Variants in RNF19B observed in about 807,000 individuals in gnomAD.
The protein encoded by RNF19B is ring finger protein 19B.
RNF19B carries 23 observed loss-of-function variants against 65.5 expected under a neutral mutation model. That is an observed-to-expected ratio of 0.35 (90% CI 0.25 to 0.50). The LOEUF is 0.50. Among genes scored for constraint, RNF19B ranks in the 20% least tolerant of loss-of-function variants. RNF19B has a pLI of 0.98. For synonymous variants in RNF19B, 372 were observed against 379.6 expected, an observed-to-expected ratio of 0.98 and a Z score of 0.23; for missense variants, 794 against 980.0, an observed-to-expected ratio of 0.81 and a Z score of 2.53.
At position 32,964,345 on chromosome 1, in the gene RNF19B, G is replaced by A; in HGVS notation, c.341C>T (p.Ala114Val). The A allele has an allele frequency of 7.0e-7, 1 of 1,436,608 alleles. No homozygotes were observed. The highest frequency in any genetic ancestry group is 9.1e-7 in the Non-Finnish European group (1 of 1,098,798). 89.0% of individuals were successfully genotyped at this position (1,436,608 alleles called of 1,614,324 possible). Residue 114 changes from alanine (A) to valine (V), a missense_variant, in exon 1 of 9, where the codon GCG becomes GTG. Around this residue, in one of 3 missense-constraint regions of RNF19B, gnomAD observed 374 missense variants for 423.8 expected, o/e 0.88. Transcript: ENST00000235150. The surrounding 1 kb of genome is among the most constrained non-coding windows in gnomAD (Gnocchi z 6.5). ...GCACAGCGGACACTCCACCTCCTCC[G>A]CGCCCGGGCCACCGCCCTCCGCCGC... ...EEAAEGGGPG[A>V]EEVECPLCLV...
chr1:32,946,038 AT>A (rs928904165), intron 4 of RNF19B, among the ~76,000 whole-genome samples: 1 of 151,744 alleles, frequency 6.6e-6, no homozygotes, highest in East Asian at 1.9e-4. Flanking sequence ...TAATTTTTCT[AT>A]TTTTTTGGGT....
chr1:32,940,619 T>C (rs1197239779), intron 7 of RNF19B, among the ~76,000 whole-genome samples: 1 of 152,222 alleles, frequency 6.6e-6, no homozygotes, highest in Admixed American at 6.5e-5. Context: ...GTATGAGGCA[T>C]AGAAGTCTAA....
In RNF19B at chr1:32,938,438, A is replaced by G; in HGVS notation, c.1701T>C (p.Ala567=). 6 of 1,614,226 alleles carry G rather than the reference A, an allele frequency of 3.7e-6. No homozygotes were observed. The highest frequency in any genetic ancestry group is 5.1e-6 in the Non-Finnish European group (6 of 1,180,044). ...GAISDNASTR[A]MAGSIISSYN... is the part of the protein sequence containing the mutation. Reference sequence around the variant, plus strand: ...AGGAACTGATTATGGAACCGGCCATAGCACGAGTGCTTGCGTTGTCACTAA... The same window carrying G: ...AGGAACTGATTATGGAACCGGCCATGGCACGAGTGCTTGCGTTGTCACTAA... The change falls in exon 8 of 9, where the codon GCT becomes GCC. Residue 567 remains alanine, a synonymous_variant. Coordinates refer to ENST00000235150, the MANE Select transcript of RNF19B (RefSeq NM_001300826.2).
In RNF19B at chr1:32,952,762, A is replaced by T. The variant is rs1299418473; in HGVS notation, c.636-2988T>A. ...AGACTCCATCTCAAAAAAAAAAAAA[A>T]ATCAGCCAGGTATGGTGACACAGGC... On this transcript the variant is annotated intron_variant, in intron 1 of 8. Transcript: ENST00000235150. 3.6e-5 allele frequency among the ~76,000 whole-genome samples: 5 copies of T among 137,768 alleles called. No homozygotes were observed. In the East Asian group the frequency reaches 8.6e-4, roughly 24 times the overall value. 90.4% of individuals were successfully genotyped at this position (137,768 alleles called of 152,430 possible). A position where few individuals can be genotyped will look rare whatever the true frequency, so the allele number is the denominator to read the frequency against.
At chr1:32,945,951 G>A (rs1005954860) in intron 4 of RNF19B, among the ~76,000 whole-genome samples, 19 of 151,386 alleles carry the variant, frequency 1.3e-4, no homozygotes, top group African/African-American at 1.2e-4. Flanking sequence ...CAACCTCTAC[G>A]TCCCTGGGCT....
At position 32,964,553 on chromosome 1, in the gene RNF19B, C is replaced by T. The variant is rs1205507513; in HGVS notation, c.133G>A (p.Gly45Ser). 3.9e-6 allele frequency: 5 copies of T among 1,274,584 alleles called. No homozygotes were observed. Among genetic ancestry groups the T allele is most frequent in the South Asian group, 1.8e-5 (1 of 54,814 alleles). The allele number at this position is 1,274,584 out of a possible 1,614,324, so 79.0% of individuals were successfully genotyped here. ...TGCGGCTTGGCCCGGGCGCGGCGGCCGCGGGCCGAGGCAGAGAAGACGCTG... is the reference window on the plus strand; with the variant it reads ...TGCGGCTTGGCCCGGGCGCGGCGGCTGCGGGCCGAGGCAGAGAAGACGCTG... The part of the protein sequence containing the change: ...LHSVFSASAR[G>S]RRARAKPQAE... Residue 45 changes from glycine to serine, a missense_variant, in exon 1 of 9, where the codon GGC becomes AGC. Around this residue, in one of 3 missense-constraint regions of RNF19B, gnomAD observed 374 missense variants for 423.8 expected, o/e 0.88. Transcript: ENST00000235150. The surrounding 1 kb of genome is among the most constrained non-coding windows in gnomAD (Gnocchi z 6.5).
In RNF19B at chr1:32,946,409, C is replaced by T; in HGVS notation, c.1139G>A (p.Gly380Glu). 6.2e-7 allele frequency: 1 copy of T among 1,613,700 alleles called. No homozygotes were observed. Among genetic ancestry groups the T allele is most frequent in the Non-Finnish European group, 8.5e-7 (1 of 1,179,770 alleles). The change falls in exon 4 of 9, where the codon GGA (glycine) becomes GAA (glutamate). Residue 380 changes from glycine to glutamate, a missense_variant. Physicochemically the swap from Gly to Glu is moderately conservative, Grantham distance 98. This residue lies in a region of RNF19B where 368 missense variants were observed against 447.3 expected (regional missense o/e 0.82). Transcript: ENST00000235150. ...CCAGCATGTCTTTCTTACCTTCCTTCCAACATAAACAGGAATGCCAATGAC... is the reference window on the plus strand; with the variant it reads ...CCAGCATGTCTTTCTTACCTTCCTTTCAACATAAACAGGAATGCCAATGAC... ...AMVIGIPVYV[G>E]RKIHSRYEGR... is the part of the protein sequence containing the mutation.
chr1:32,934,254 C>T (rs1186138949), downstream of RNF19B, among the ~76,000 whole-genome samples: 2 of 152,208 alleles, frequency 1.3e-5, no homozygotes, highest in Non-Finnish European at 2.9e-5. Context: ...TAGTAAAACA[C>T]TGGCCAGGAA....
At position 32,948,308 on chromosome 1, in the gene RNF19B, T is replaced by C; in HGVS notation, c.897A>G (p.Gly299=). 6.2e-7 allele frequency: 1 copy of C among 1,614,160 alleles called. No individual in the cohort carries two copies. Among genetic ancestry groups the C allele is most frequent in the Non-Finnish European group, 8.5e-7 (1 of 1,179,994 alleles). Residue 299 remains glycine (G), a synonymous_variant, in exon 3 of 9, where the codon GGA becomes GGG. Transcript: ENST00000235150. ...CTGCACAGGTCATGTGATTACAGCTTCCATCATTCATCTTGATAATGTATG... is the reference window on the plus strand; with the variant it reads ...CTGCACAGGTCATGTGATTACAGCTCCCATCATTCATCTTGATAATGTATG... ...CSAYIIKMND[G]SCNHMTCAVC...
In RNF19B at chr1:32,964,627, G is replaced by C; in HGVS notation, c.59C>G (p.Pro20Arg). ...GCCGCCGCTGCGGCACTTAGGGTCGGGTGCGGCCGCATGTAGCGATGTGGA... is the reference window on the plus strand; with the variant it reads ...GCCGCCGCTGCGGCACTTAGGGTCGCGTGCGGCCGCATGTAGCGATGTGGA... ...PRSTSLHAAA[P>R]DPKCRSGGRR... The change falls in exon 1 of 9, where the codon CCC becomes CGC. Residue 20 changes from proline to arginine, a missense_variant. This residue lies in a region of RNF19B where 374 missense variants were observed against 423.8 expected (regional missense o/e 0.88). Transcript: ENST00000235150. The surrounding 1 kb of genome is among the most constrained non-coding windows in gnomAD (Gnocchi z 6.5). 1.4e-6 allele frequency: 2 copies of C among 1,473,174 alleles called. No homozygotes were observed. Among genetic ancestry groups the C allele is most frequent in the Non-Finnish European group, 1.8e-6 (2 of 1,116,202 alleles). 91.3% of individuals were successfully genotyped at this position (1,473,174 alleles called of 1,614,324 possible). A position where few individuals can be genotyped will look rare whatever the true frequency, so the allele number is the denominator to read the frequency against.
intron 1 of RNF19B, among the ~76,000 whole-genome samples, chr1:32,953,959 A>G (rs1570112540): frequency 2.5e-5 from 3 of 119,706 alleles, no homozygotes; most frequent in South Asian, 5.5e-4. Context: ...CCCAGGCTGG[A>G]GTGCAATGGC....
downstream of RNF19B, among the ~76,000 whole-genome samples, chr1:32,935,561 C>T (rs1233917809): frequency 6.6e-6 from 1 of 152,222 alleles, no homozygotes; most frequent in African/African-American, 2.4e-5. Context: ...CCTTTCATTA[C>T]AAATCTCAGA....
At chr1:32,951,409 C>A (rs915295081) in intron 1 of RNF19B, among the ~76,000 whole-genome samples, 2 of 151,304 alleles carry the variant, frequency 1.3e-5, no homozygotes, top group African/African-American at 4.8e-5. Context: ...GGTGCATTTG[C>A]ACTCTTTGCA....
Position 32,936,912 on chromosome 1 carries a change from G to A in RNF19B, c.2090C>T (p.Thr697Ile). The A allele has an allele frequency of 6.2e-7, 1 of 1,614,060 alleles. No individual in the cohort carries two copies. The highest frequency in any genetic ancestry group is 8.5e-7 in the Non-Finnish European group (1 of 1,180,004). The stretch of plus-strand genomic sequence containing the variant: ...GCTCGGTGCACCTTGGGCTCTGGGG[G>A]TCGAGGGGCAGGCTGCAGTATGGGA... ...PRSHTAACPS[T>I]PRAQGAPSPS... The change falls in exon 9 of 9, where the codon ACC (threonine) becomes ATC (isoleucine). Residue 697 changes from threonine (T) to isoleucine (I), a missense_variant. Around this residue, in one of 3 missense-constraint regions of RNF19B, gnomAD observed 368 missense variants for 447.3 expected, o/e 0.82. Coordinates refer to ENST00000235150, the MANE Select transcript of RNF19B (RefSeq NM_001300826.2).
At position 32,942,318 on chromosome 1, in the gene RNF19B, A is replaced by G; in HGVS notation, c.1544T>C (p.Phe515Ser). 1.2e-6 allele frequency: 2 copies of G among 1,614,108 alleles called. No individual in the cohort carries two copies. The highest frequency in any genetic ancestry group is 1.7e-6 in the Non-Finnish European group (2 of 1,179,958). Reference sequence around the variant, plus strand: ...CAGCGTGCCCCCTGAGAGGGCTGCAAAGCTGGCCGTTTCGCTGTAAGGACC... The same window carrying G: ...CAGCGTGCCCCCTGAGAGGGCTGCAGAGCTGGCCGTTTCGCTGTAAGGACC... ...MQGPYSETAS[F>S]AALSGGTLSG... Residue 515 changes from phenylalanine to serine, a missense_variant, in exon 7 of 9, where the codon TTT becomes TCT. Physicochemically the swap from Phe to Ser is radical, Grantham distance 155. This residue lies in a region of RNF19B where 368 missense variants were observed against 447.3 expected (regional missense o/e 0.82). Coordinates refer to ENST00000235150, the MANE Select transcript of RNF19B (RefSeq NM_001300826.2).
At chr1:32,942,541 G>C (rs761106139) in intron 6 of RNF19B, 82 bp from the exon 7 acceptor site, 405 of 1,138,040 alleles carry the variant, frequency 3.6e-4, no homozygotes, top group Non-Finnish European at 5.1e-4. Flanking sequence ...TGACTTTTCA[G>C]AGAACTAATG....
chr1:32,934,645 C>T (rs1303916982), downstream of RNF19B, among the ~76,000 whole-genome samples: 1 of 152,028 alleles, frequency 6.6e-6, no homozygotes, highest in Non-Finnish European at 1.5e-5. Flanking sequence ...CATGCCACTG[C>T]ACTCCAGTCT....
chr1:32,941,674 G>A (rs1642235260), intron 7 of RNF19B, among the ~76,000 whole-genome samples: 1 of 152,206 alleles, frequency 6.6e-6, no homozygotes, highest in South Asian at 2.1e-4. Context: ...GCAGCCTCAG[G>A]CAGTCAAGGG....
rs1642125066 is a variant in RNF19B, at chr1:32,937,119, C to T, written c.1883G>A (p.Gly628Glu). The T allele has an allele frequency of 8.7e-6, 14 of 1,614,192 alleles. No homozygotes were observed. Among genetic ancestry groups the T allele is most frequent in the Non-Finnish European group, 1.2e-5 (14 of 1,180,046 alleles). The change falls in exon 9 of 9, where the codon GGA becomes GAA. Residue 628 changes from glycine (G) to glutamate (E), a missense_variant. This residue lies in a region of RNF19B where 368 missense variants were observed against 447.3 expected (regional missense o/e 0.82). Coordinates refer to ENST00000235150, the MANE Select transcript of RNF19B (RefSeq NM_001300826.2). ...GCAGGGGGGATCCTCTTCACTGCCT[C>T]CGCCACCACTACCTTCTTCTTCATT... ...AENEEEGSGGGGSEEDPPCRH... is the reference protein window; with the variant it reads ...AENEEEGSGGEGSEEDPPCRH...
Sources: allele counts gnomAD v4.1 joint callset (sites outside exome capture counted in the v4.1 genomes callset), GRCh38; gene constraint gnomAD v4.1.1; regional missense constraint gnomAD v4.1.1; non-coding constraint Gnocchi (gnomAD v3.1); transcripts MANE v1.5; gene names NCBI Gene and HGNC (gene_info 2026-07-23, HGNC 2026-07-21).